Variants in BTG4 observed in about 807,000 individuals in gnomAD.
BTG4 encodes protein BTG4.
BTG4 carries 10 observed loss-of-function variants against 19.3 expected under a neutral mutation model. The observed-to-expected ratio is 0.52, with a 90% confidence interval of 0.32 to 0.88. The LOEUF (loss-of-function observed/expected upper bound fraction) is 0.88. BTG4 is among the 40% of genes least tolerant of loss of function. The probability of loss-of-function intolerance (pLI) is 0.04; values close to 1 mark genes in which losing one functional copy is unlikely to be tolerated. For missense variants in BTG4, 238 were observed against 281.9 expected (o/e 0.84, Z 1.11); for synonymous variants, 91 against 95.7 (o/e 0.95, Z 0.29).
At chr11:111,437,110 A>T in the BTG4 span, among the ~76,000 whole-genome samples, 1 of 152,094 alleles carries the variant, frequency 6.6e-6, no homozygotes, top group African/African-American at 2.4e-5. Flanking sequence ...CCTGGCTCCC[A>T]ACCTGCTGCA....
chr11:111,440,403 GT>G, the BTG4 span, among the ~76,000 whole-genome samples: 3 of 152,228 alleles, frequency 2.0e-5, no homozygotes, highest in African/African-American at 7.2e-5. Context: ...ACCAGCCCCT[GT>G]AACTAGTTCA....
intron 5 of BTG4, among the ~76,000 whole-genome samples, chr11:111,479,993 A>T (rs999341778): frequency 1.3e-5 from 2 of 152,110 alleles, no homozygotes; most frequent in African/African-American, 2.4e-5. Context: ...GAGGCCTAAC[A>T]TATTTATAAT....
chr11:111,393,704 G>C, the BTG4 span, among the ~76,000 whole-genome samples: 1 of 152,302 alleles, frequency 6.6e-6, no homozygotes, highest in East Asian at 1.9e-4. Context: ...AGGAGGGAAG[G>C]ATGACTGACC....
the BTG4 span, among the ~76,000 whole-genome samples, chr11:111,426,136 G>A: frequency 8.5e-5 from 13 of 152,146 alleles, no homozygotes; most frequent in African/African-American, 1.7e-4. Flanking sequence ...GGAGCACAGC[G>A]GGACAAGGAG....
At chr11:111,404,224 C>T in the BTG4 span, among the ~76,000 whole-genome samples, 2 of 152,296 alleles carry the variant, frequency 1.3e-5, no homozygotes, top group East Asian at 3.9e-4. Flanking sequence ...GTGAGGCCTC[C>T]CCAGCCACAT....
the BTG4 span, among the ~76,000 whole-genome samples, chr11:111,459,466 G>A: frequency 7.9e-5 from 12 of 152,184 alleles, no homozygotes; most frequent in African/African-American, 2.9e-4. Context: ...CTTCCTTTCT[G>A]AATTCAGAAT....
upstream of BTG4, chr11:111,513,293 A>G (rs935298655): frequency 8.2e-5 from 38 of 464,636 alleles, no homozygotes; most frequent in Non-Finnish European, 5.3e-5. Context: ...TTAATACTGT[A>G]TGCTGTGATT....
At chr11:111,477,987 G>T (rs1225858122) in intron 5 of BTG4, among the ~76,000 whole-genome samples, 2 of 152,056 alleles carry the variant, frequency 1.3e-5, no homozygotes, top group Non-Finnish European at 2.9e-5. Context: ...GCAGAGAACT[G>T]GGAATTTTCA....
chr11:111,488,881 C>T lies in BTG4; in HGVS notation c.662+6282G>A, dbSNP rs189987537. Reference sequence around the variant, plus strand: ...ACAAACAAGGCCGGCCACGGTGGCTCAAGACTGTAATCCCAGCACTTTGGG... The same window carrying T: ...ACAAACAAGGCCGGCCACGGTGGCTTAAGACTGTAATCCCAGCACTTTGGG... On this transcript the variant is annotated intron_variant, in intron 5 of 5. Transcript: ENST00000356018. 1.9e-4 allele frequency among the ~76,000 whole-genome samples: 29 copies of T among 152,176 alleles called. No individual in the cohort carries two copies. The South Asian group carries it at 2.3e-3, about 12-fold the overall frequency.
the BTG4 span, among the ~76,000 whole-genome samples, chr11:111,394,053 T>C: frequency 6.6e-6 from 1 of 152,224 alleles, no homozygotes; most frequent in Non-Finnish European, 1.5e-5. Context: ...TCAACTCAGA[T>C]ACTGCATGAA....
At chr11:111,402,731 G>A in the BTG4 span, among the ~76,000 whole-genome samples, 6 of 152,162 alleles carry the variant, frequency 3.9e-5, no homozygotes, top group Non-Finnish European at 5.9e-5. Flanking sequence ...AGGCAAGCTG[G>A]CATGTGCTGT....
At chr11:111,495,539 T>C (rs1311167678) in intron 4 of BTG4, among the ~76,000 whole-genome samples, 1 of 152,234 alleles carries the variant, frequency 6.6e-6, no homozygotes, top group Admixed American at 6.5e-5. Context: ...AACTTTTTAA[T>C]ATGCTTATTC....
chr11:111,495,618 CTGCATGT>C (rs1858567456), intron 4 of BTG4, among the ~76,000 whole-genome samples: 1 of 152,168 alleles, frequency 6.6e-6, no homozygotes, highest in African/African-American at 2.4e-5. Flanking sequence ...CAATCCAAAA[CTGCATGT>C]TCATGATCTC....
At chr11:111,438,040 GC>G in the BTG4 span, among the ~76,000 whole-genome samples, 1 of 152,144 alleles carries the variant, frequency 6.6e-6, no homozygotes, top group Non-Finnish European at 1.5e-5. Flanking sequence ...AGGAAGTAGA[GC>G]CTTGGAGATG....
At chr11:111,492,765 T>C (rs1229727973), downstream of BTG4, among the ~76,000 whole-genome samples, 1 of 152,094 alleles carries the variant, frequency 6.6e-6, no homozygotes, top group African/African-American at 2.4e-5. Context: ...GACTTGGGGA[T>C]CAGGAAGTCT....
At chr11:111,455,932 C>A in the BTG4 span, 1 of 418,978 alleles carries the variant, frequency 2.4e-6, no homozygotes, top group Non-Finnish European at 4.9e-6. Context: ...GGCCCTGAAT[C>A]AGGGCAACTA....
the BTG4 span, among the ~76,000 whole-genome samples, chr11:111,410,985 T>C: frequency 6.6e-6 from 1 of 152,174 alleles, no homozygotes; most frequent in Admixed American, 6.5e-5. Flanking sequence ...TCTCAGCATC[T>C]CCGCCGACAT....
intron 5 of BTG4, among the ~76,000 whole-genome samples, chr11:111,487,866 C>T (rs1865160656): frequency 6.6e-6 from 1 of 152,058 alleles, no homozygotes; most frequent in East Asian, 1.9e-4. Context: ...TTTACAATAG[C>T]TACAAATAAA....
the BTG4 span, among the ~76,000 whole-genome samples, chr11:111,391,056 T>C: frequency 1.1e-4 from 16 of 152,334 alleles, no homozygotes; most frequent in East Asian, 2.9e-3. Flanking sequence ...ATAAAAACAG[T>C]AATAGAGTAT....
Sources: gnomAD v4.1 joint callset for allele counts (sites outside exome capture counted in the v4.1 genomes callset) on GRCh38, gnomAD v4.1.1 for gene constraint, MANE v1.5 for transcripts, NCBI Gene and HGNC (gene_info 2026-07-23, HGNC 2026-07-21) for gene names.